Variants in SSR4 observed in about 807,000 individuals in gnomAD.
SSR4 encodes the protein translocon-associated protein subunit delta.
For synonymous variants in SSR4, 84 were observed against 65.6 expected (o/e 1.28, Z -1.35); for missense variants, 125 against 148.8 (o/e 0.84, Z 0.83).
chrX:153,796,510 C>T lies in SSR4; in HGVS notation c.144C>T (p.Val48=). The change falls in exon 2 of 6, where the codon GTC becomes GTT. Residue 48 remains valine (V), a synonymous_variant. Transcript: ENST00000370086. The stretch of plus-strand genomic sequence containing the variant: ...ACGCTGTCATTTCCACTGAGACCGT[C>T]TTCATTGTGGAGATCTCCCTGACAT... ...TSDAVISTET[V]FIVEISLTCK... The T allele has an allele frequency of 8.3e-7, 1 of 1,210,908 alleles. No individual in the cohort carries two copies. Among genetic ancestry groups the T allele is most frequent in the Admixed American group, 2.2e-5 (1 of 46,077 alleles).
rs781917495 is a variant in SSR4, at chrX:153,798,088, G to C, written c.369G>C (p.Glu123Asp). The C allele has an allele frequency of 8.4e-7, 1 of 1,194,515 alleles. No individual in the cohort carries two copies. Among genetic ancestry groups the C allele is most frequent in the Admixed American group, 2.2e-5 (1 of 44,924 alleles). The change falls in exon 5 of 6, where the codon GAG becomes GAC. Residue 123 changes from glutamate (E) to aspartate (D), a missense_variant. Transcript: ENST00000370086. Reference protein sequence around the residue: ...SLLRKAQRNNEDISIIPPLFT... With the variant: ...SLLRKAQRNNDDISIIPPLFT... Reference sequence around the variant, plus strand: ...CCTTGCAGGCTCAGAGGAATAACGAGGACATTTCCATCATCCCGCCTCTGT... The same window carrying C: ...CCTTGCAGGCTCAGAGGAATAACGACGACATTTCCATCATCCCGCCTCTGT...
upstream of SSR4, chrX:153,794,276 G>T: frequency 8.3e-7 from 1 of 1,201,416 alleles, no homozygotes. Context: ...GGGCTGGCCC[G>T]AGCACCGCCT....
chrX:153,795,148 AG>A, intron 1 of SSR4: 1 of 172,897 alleles, frequency 5.8e-6, no homozygotes, highest in African/African-American at 3.0e-5. Flanking sequence ...CAGTGAGGAG[AG>A]GGAGCAAGAG....
intron 2 of SSR4, 51 bp from the exon 3 acceptor site, chrX:153,797,407 C>A: frequency 8.9e-7 from 1 of 1,117,339 alleles, no homozygotes; most frequent in Non-Finnish European, 1.2e-6. Flanking sequence ...GGCTCCTCTG[C>A]CCACACCCAG....
chrX:153,796,452 C>G lies in SSR4; in HGVS notation c.86C>G (p.Pro29Arg). The change falls in exon 2 of 6, where the codon CCC becomes CGC. Residue 29 changes from proline to arginine, a missense_variant. Transcript: ENST00000370086. ...SRCSAEACLEPQITPSYYTTS... is the reference protein window; with the variant it reads ...SRCSAEACLERQITPSYYTTS... Reference sequence around the variant, plus strand: ...CCCGCAGCCGAGGCCTGCCTGGAGCCCCAGATCACCCCTTCCTACTACACC... The same window carrying G: ...CCCGCAGCCGAGGCCTGCCTGGAGCGCCAGATCACCCCTTCCTACTACACC... 6 of 1,210,283 alleles carry G rather than the reference C, an allele frequency of 5.0e-6. No homozygotes were observed. Among genetic ancestry groups the G allele is most frequent in the Non-Finnish European group, 6.7e-6 (6 of 893,994 alleles).
intron 4 of SSR4, 94 bp downstream of exon 4, chrX:153,797,908 G>A: frequency 2.3e-6 from 2 of 870,969 alleles, no homozygotes; most frequent in Non-Finnish European, 3.3e-6. Context: ...GAGCTGGGTG[G>A]CCTTTCTGTG....
upstream of SSR4, chrX:153,794,392 G>A: frequency 1.7e-6 from 2 of 1,152,978 alleles, no homozygotes; most frequent in Non-Finnish European, 2.3e-6. Context: ...GTTCGACGGG[G>A]TGCGAAGTTT....
In SSR4 at chrX:153,795,932, C is replaced by T. The variant is rs782366191; in HGVS notation, c.68-502C>T. 42 of 640,430 alleles carry T rather than the reference C, an allele frequency of 6.6e-5. No individual in the cohort carries two copies. In the African/African-American group the frequency reaches 8.5e-4, roughly 13 times the overall value. 52.8% of individuals were successfully genotyped at this position (640,430 alleles called of 1,213,427 possible). A position where few individuals can be genotyped will look rare whatever the true frequency, so the allele number is the denominator to read the frequency against. On this transcript the variant is annotated intron_variant, in intron 1 of 5. Transcript: ENST00000370086. Reference sequence around the variant, plus strand: ...CTCTCCCGTTTACTTCTTCAGGAAACGCTGGGGCCAGTCTTCACCTTCTGT... The same window carrying T: ...CTCTCCCGTTTACTTCTTCAGGAAATGCTGGGGCCAGTCTTCACCTTCTGT...
At chrX:153,794,460 C>A, upstream of SSR4, 5 of 1,141,305 alleles carry the variant, frequency 4.4e-6, no homozygotes, top group Non-Finnish European at 4.7e-6. Flanking sequence ...ATTCACGCCC[C>A]CTTCCGGCGC....
chrX:153,797,557 TA>T, intron 3 of SSR4, 25 bp downstream of exon 3: 2 of 1,191,703 alleles, frequency 1.7e-6, no homozygotes, highest in Non-Finnish European at 2.3e-6. Context: ...GTTCCCTTGC[TA>T]GGGGGCTCCC....
intron 4 of SSR4, 81 bp downstream of exon 4, chrX:153,797,895 C>T: frequency 2.2e-6 from 2 of 925,900 alleles, no homozygotes; most frequent in African/African-American, 3.8e-5. Flanking sequence ...GGCAGCAAGT[C>T]CTGAGCTGGG....
rs782224678 is a variant in SSR4, at chrX:153,794,758, G to A, written c.67+4G>A. On this transcript the variant is annotated splice_donor_region_variant and intron_variant, in intron 1 of 5. Coordinates refer to ENST00000370086, the MANE Select transcript of SSR4 (RefSeq NM_006280.3). Reference sequence around the variant, plus strand: ...TCCAGCCTCTCCCGCTGCTCAGGTAGCGGCCCAGCCGGGGCTTCTTTCTTG... The same window carrying A: ...TCCAGCCTCTCCCGCTGCTCAGGTAACGGCCCAGCCGGGGCTTCTTTCTTG... 8.3e-7 allele frequency: 1 copy of A among 1,209,268 alleles called. No homozygotes were observed. Among genetic ancestry groups the A allele is most frequent in the East Asian group, 3.0e-5 (1 of 33,745 alleles).
Position 153,798,438 on chromosome X carries a change from G to A in SSR4, c.*5G>A, listed in dbSNP as rs200637463. On this transcript the variant is annotated 3_prime_UTR_variant, in exon 6 of 6. Transcript: ENST00000370086. The stretch of plus-strand genomic sequence containing the variant: ...AAGAGCCACATCCAGGCCTGAGGGC[G>A]GCACCCCAGCCCTGCCCTTGCTTCC... 42 of 1,172,115 alleles carry A rather than the reference G, an allele frequency of 3.6e-5. No homozygotes were observed. The East Asian group carries it at 4.1e-4, about 11-fold the overall frequency.
chrX:153,794,514 G>A, upstream of SSR4: 3 of 1,162,092 alleles, frequency 2.6e-6, no homozygotes, highest in Non-Finnish European at 3.5e-6. Flanking sequence ...ACCGCGACCA[G>A]CTGGGCCCCT....
At chrX:153,794,174 T>C, upstream of SSR4, 1 of 1,084,307 alleles carries the variant, frequency 9.2e-7, no homozygotes, top group Non-Finnish European at 1.2e-6. Flanking sequence ...GACTCCAGAC[T>C]GCTTCGGGTG....
At chrX:153,794,381 A>C (rs782208915), upstream of SSR4, 11 of 1,158,217 alleles carry the variant, frequency 9.5e-6, no homozygotes, top group Admixed American at 2.6e-4. Context: ...CTCTCGCGAG[A>C]GTTCGACGGG....
Position 153,798,412 on chromosome X carries a change from G to A in SSR4, c.501G>A (p.Ala167=), listed in dbSNP as rs781899624. 13 of 1,193,317 alleles carry A rather than the reference G, an allele frequency of 1.1e-5. No individual in the cohort carries two copies. The highest frequency in any genetic ancestry group is 5.5e-5 in the South Asian group (3 of 54,666). The part of the protein sequence containing the change: ...GLVIYYLAFS[A]KSHIQA Reference sequence around the variant, plus strand: ...TGATCTACTACTTGGCCTTCAGTGCGAAGAGCCACATCCAGGCCTGAGGGC... The same window carrying A: ...TGATCTACTACTTGGCCTTCAGTGCAAAGAGCCACATCCAGGCCTGAGGGC... The change falls in exon 6 of 6, where the codon GCG becomes GCA. Residue 167 remains alanine (A), a synonymous_variant. Transcript: ENST00000370086.
chrX:153,794,592 G>A (rs1340019842), upstream of SSR4: 8 of 1,193,750 alleles, frequency 6.7e-6, no homozygotes, highest in Non-Finnish European at 9.0e-6. Context: ...TTCGGTGCGC[G>A]ATTGGCTGCC....
At chrX:153,794,916 C>A in intron 1 of SSR4, 162 bp downstream of exon 1, 1 of 586,211 alleles carries the variant, frequency 1.7e-6, no homozygotes, top group Non-Finnish European at 2.6e-6. Context: ...ACCAAAGCAC[C>A]TCGCGCACGT....
Sources: gnomAD v4.1 joint callset for allele counts on GRCh38, gnomAD v4.1.1 for gene constraint, MANE v1.5 for transcripts, NCBI Gene and HGNC (gene_info 2026-07-23, HGNC 2026-07-21) for gene names.